Variants in CHST11 observed in about 807,000 individuals in gnomAD.
The protein encoded by CHST11 is carbohydrate sulfotransferase 11, also known as C4S-1.
Under a neutral mutation model 30.4 loss-of-function variants are expected in CHST11, and 9 were observed. The ratio of observed to expected loss-of-function variants is 0.30; its 90% CI spans 0.18 to 0.52. CHST11 has a LOEUF of 0.52. Ranked by LOEUF, CHST11 falls within the 20% of genes least tolerant of loss-of-function variation. The pLI, the probability that CHST11 is intolerant of heterozygous loss-of-function variation, is 0.97. For synonymous variants in CHST11, 152 were observed against 187.8 expected, an observed-to-expected ratio of 0.81 and a Z score of 1.56; for missense variants, 348 against 460.6, an observed-to-expected ratio of 0.76 and a Z score of 2.24.
chr12:104,615,295 T>C (rs2039098880), intron 2 of CHST11, among the ~76,000 whole-genome samples: 1 of 152,342 alleles, frequency 6.6e-6, no homozygotes, highest in Non-Finnish European at 1.5e-5. Flanking sequence ...GAGAAATCGC[T>C]CTGGCCATCT....
chr12:104,711,173 G>A (rs1021926585), intron 2 of CHST11, among the ~76,000 whole-genome samples: 6 of 152,184 alleles, frequency 3.9e-5, no homozygotes, highest in African/African-American at 1.4e-4. Flanking sequence ...TGTACACAGA[G>A]CACATTTCCT....
At chr12:104,541,128 T>TCACA (rs1337626764) in intron 1 of CHST11, among the ~76,000 whole-genome samples, 5 of 140,906 alleles carry the variant, frequency 3.5e-5, no homozygotes, top group South Asian at 4.6e-4. Context: ...TCTCTCTCTC[T>TCACA]CTCACACACA....
intron 1 of CHST11, among the ~76,000 whole-genome samples, chr12:104,528,964 C>T (rs542722865): frequency 3.0e-4 from 45 of 152,222 alleles, no homozygotes; most frequent in South Asian, 1.2e-3. Flanking sequence ...GTAAACACAC[C>T]GCTGGGCAAG....
At chr12:104,696,728 T>C (rs1310761082) in intron 2 of CHST11, among the ~76,000 whole-genome samples, 1 of 152,146 alleles carries the variant, frequency 6.6e-6, no homozygotes, top group Non-Finnish European at 1.5e-5. Context: ...TTGAATCTCC[T>C]CTTCTCCCCT....
intron 1 of CHST11, among the ~76,000 whole-genome samples, chr12:104,531,479 A>G (rs1233660011): frequency 6.2e-5 from 9 of 145,362 alleles, no homozygotes; most frequent in East Asian, 2.0e-4. Flanking sequence ...AAAAAAAAAA[A>G]AGAGAGAGAG....
intron 2 of CHST11, among the ~76,000 whole-genome samples, chr12:104,675,049 T>G (rs1244661631): frequency 6.6e-6 from 1 of 152,336 alleles, no homozygotes; most frequent in East Asian, 1.9e-4. Flanking sequence ...TTAAGGTATA[T>G]TTTTACTATA....
chr12:104,457,580 C>A, intron 1 of CHST11, 51 bp downstream of exon 1: 1 of 1,278,062 alleles, frequency 7.8e-7, no homozygotes, highest in Non-Finnish European at 1.1e-6. Context: ...CTCTCTCGCG[C>A]TCTAGCTCGC....
chr12:104,572,628 G>T (rs2038640034), intron 1 of CHST11, among the ~76,000 whole-genome samples: 1 of 151,790 alleles, frequency 6.6e-6, no homozygotes, highest in Non-Finnish European at 1.5e-5. Context: ...AGTCTTGGTA[G>T]CAGTCTATCA....
At chr12:104,650,455 AC>A (rs2039480069) in intron 2 of CHST11, among the ~76,000 whole-genome samples, 1 of 152,142 alleles carries the variant, frequency 6.6e-6, no homozygotes, top group South Asian at 2.1e-4. Context: ...TACCTCATCA[AC>A]CCTGAGATGC....
At chr12:104,594,420 T>C (rs1009400346) in intron 1 of CHST11, among the ~76,000 whole-genome samples, 5 of 152,204 alleles carry the variant, frequency 3.3e-5, no homozygotes, top group African/African-American at 1.2e-4. Context: ...GCTTCAGATG[T>C]AGTTTTCGGG....
intron 1 of CHST11, among the ~76,000 whole-genome samples, chr12:104,598,870 G>A (rs185659542): frequency 6.6e-6 from 1 of 152,078 alleles, no homozygotes; most frequent in Non-Finnish European, 1.5e-5. Flanking sequence ...CTGTATCCTC[G>A]TGGCCAGCTG....
At chr12:104,740,763 G>A (rs2040339830) in intron 2 of CHST11, among the ~76,000 whole-genome samples, 1 of 152,200 alleles carries the variant, frequency 6.6e-6, no homozygotes, top group African/African-American at 2.4e-5. Context: ...CTGTGTCCCT[G>A]CCATTGTGTG....
intron 1 of CHST11, among the ~76,000 whole-genome samples, chr12:104,597,731 A>C (rs2038920272): frequency 6.6e-6 from 1 of 152,220 alleles, no homozygotes; most frequent in Non-Finnish European, 1.5e-5. Context: ...GAATGAGTGT[A>C]ATGAAACCAT....
intron 2 of CHST11, among the ~76,000 whole-genome samples, chr12:104,755,163 T>C (rs1407103150): frequency 1.3e-5 from 2 of 152,182 alleles, no homozygotes; most frequent in Non-Finnish European, 2.9e-5. Flanking sequence ...ATTGTGCAGA[T>C]TGAGGTTCAA....
At chr12:104,507,876 A>G (rs2037921938) in intron 1 of CHST11, among the ~76,000 whole-genome samples, 1 of 152,180 alleles carries the variant, frequency 6.6e-6, no homozygotes, top group African/African-American at 2.4e-5. Flanking sequence ...TGGCCACAGC[A>G]AGTCACATGG....
chr12:104,712,204 C>G (rs1191505670), intron 2 of CHST11, among the ~76,000 whole-genome samples: 1 of 152,102 alleles, frequency 6.6e-6, no homozygotes, highest in African/African-American at 2.4e-5. Flanking sequence ...TACTCCTATT[C>G]CCATTTGACA....
At chr12:104,597,041 G>A (rs577811357) in intron 1 of CHST11, among the ~76,000 whole-genome samples, 4 of 152,288 alleles carry the variant, frequency 2.6e-5, no homozygotes, top group Admixed American at 1.3e-4. Flanking sequence ...CATTCCAGCA[G>A]CACTGAGAGG....
chr12:104,673,270 A>T (rs1400867851), intron 2 of CHST11, among the ~76,000 whole-genome samples: 1 of 152,138 alleles, frequency 6.6e-6, no homozygotes, highest in East Asian at 1.9e-4. Flanking sequence ...AGATTCTGGG[A>T]ATTTGGATGT....
At chr12:104,739,568 G>A (rs1479643193) in intron 2 of CHST11, among the ~76,000 whole-genome samples, 1 of 152,236 alleles carries the variant, frequency 6.6e-6, no homozygotes, top group Admixed American at 6.5e-5. Flanking sequence ...TGGCTGCAGA[G>A]CCTGTGTTCT....
Sources: gnomAD v4.1 joint callset for allele counts (sites outside exome capture counted in the v4.1 genomes callset) on GRCh38, gnomAD v4.1.1 for gene constraint, MANE v1.5 for transcripts, NCBI Gene and HGNC (gene_info 2026-07-23, HGNC 2026-07-21) for gene names.